NUAK1: variants seen among roughly 807,000 people sequenced by gnomAD.
NUAK1 encodes the protein NUAK family kinase 1, also known as NUAK family SNF1-like kinase 1.
NUAK1 carries 26 observed loss-of-function variants against 56.9 expected under a neutral mutation model. The observed-to-expected ratio is 0.46, with a 90% CI of 0.33 to 0.63. NUAK1 has a LOEUF of 0.63. NUAK1 is among the 30% of genes least tolerant of loss of function. NUAK1 has a pLI of 0.02. For missense variants in NUAK1, 727 were observed against 876.1 expected, an observed-to-expected ratio of 0.83 and a Z score of 2.15; for synonymous variants, 337 against 336.0, an observed-to-expected ratio of 1.00 and a Z score of -0.03.
At chr12:106,073,711 G>A (rs925705817) in intron 4 of NUAK1, among the ~76,000 whole-genome samples, 2 of 151,934 alleles carry the variant, frequency 1.3e-5, no homozygotes, top group Admixed American at 6.6e-5. Flanking sequence ...TCAGCTACTC[G>A]GGAGGCTGAG....
chr12:106,074,970 G>A (rs1006663944), intron 4 of NUAK1, among the ~76,000 whole-genome samples: 3 of 152,112 alleles, frequency 2.0e-5, no homozygotes, highest in Non-Finnish European at 2.9e-5. Context: ...GAATGGCTAC[G>A]CACAGGAAAA....
intron 3 of NUAK1, among the ~76,000 whole-genome samples, chr12:106,084,543 A>G (rs1053906621): frequency 6.6e-6 from 1 of 152,208 alleles, no homozygotes; most frequent in African/African-American, 2.4e-5. Context: ...GAGCAGACCA[A>G]TGAGACTGGG....
chr12:106,074,719 C>T (rs2032442756), intron 4 of NUAK1, among the ~76,000 whole-genome samples: 1 of 152,112 alleles, frequency 6.6e-6, no homozygotes, highest in Admixed American at 6.6e-5. Flanking sequence ...GCCTGAATAC[C>T]ACCGAGGCTC....
At chr12:106,080,353 T>C (rs1243048567) in intron 4 of NUAK1, among the ~76,000 whole-genome samples, 1 of 152,234 alleles carries the variant, frequency 6.6e-6, no homozygotes, top group Non-Finnish European at 1.5e-5. Context: ...CTTCTCATTG[T>C]AAGACATTTT....
At chr12:106,134,047 T>C (rs2033105791) in intron 1 of NUAK1, among the ~76,000 whole-genome samples, 1 of 152,184 alleles carries the variant, frequency 6.6e-6, no homozygotes, top group Admixed American at 6.5e-5. Flanking sequence ...CTAGTAAAGA[T>C]TTATTAAATG....
intron 6 of NUAK1, among the ~76,000 whole-genome samples, chr12:106,068,431 T>C (rs2032368434): frequency 6.6e-6 from 1 of 152,212 alleles, no homozygotes; most frequent in Non-Finnish European, 1.5e-5. Context: ...TGGGAAAGCA[T>C]GCCAGAGACA....
At chr12:106,096,126 G>T (rs187244607) in intron 2 of NUAK1, among the ~76,000 whole-genome samples, 2 of 151,952 alleles carry the variant, frequency 1.3e-5, no homozygotes, top group Non-Finnish European at 2.9e-5. Context: ...AGTTCATTCC[G>T]AAAGACCCCA....
intron 2 of NUAK1, among the ~76,000 whole-genome samples, chr12:106,103,738 C>G (rs559155391): frequency 6.6e-6 from 1 of 152,266 alleles, no homozygotes; most frequent in African/African-American, 2.4e-5. Context: ...GGAAGGGACC[C>G]GGTGGGAGGT....
Position 106,138,284 on chromosome 12 carries a change from CG to C in NUAK1, c.240+129del. On this transcript the variant is annotated intron_variant, in intron 1 of 6. Transcript: ENST00000261402. This position sits in a 1 kb window ranked among gnomAD's most constrained non-coding sequence, Gnocchi z 5.0. ...TGGAGAAAGAGTGAGGAGTCTGTCT[CG>C]GGGCTTCCCAATGAGCCCCCTCTCT... 7.9e-7 allele frequency: 1 copy of C among 1,271,452 alleles called. No homozygotes were observed. The highest frequency in any genetic ancestry group is 1.1e-6 in the Non-Finnish European group (1 of 949,648). 78.8% of individuals were successfully genotyped at this position (1,271,452 alleles called of 1,614,324 possible). A position where few individuals can be genotyped will look rare whatever the true frequency, so the allele number is the denominator to read the frequency against.
intron 1 of NUAK1, among the ~76,000 whole-genome samples, chr12:106,135,205 A>G (rs1222797574): frequency 6.6e-6 from 1 of 152,214 alleles, no homozygotes. Flanking sequence ...GGGATAGATC[A>G]AGGATTTGAA....
At chr12:106,093,974 A>ATT (rs112037631) in intron 2 of NUAK1, among the ~76,000 whole-genome samples, 5 of 148,644 alleles carry the variant, frequency 3.4e-5, no homozygotes, top group South Asian at 2.1e-4. Context: ...AATCTTTGTA[A>ATT]TTTTTTTTTT....
At chr12:106,112,914 C>T (rs2032878436) in intron 1 of NUAK1, among the ~76,000 whole-genome samples, 1 of 152,178 alleles carries the variant, frequency 6.6e-6, no homozygotes, top group Admixed American at 6.5e-5. Context: ...ACTTGGTTCT[C>T]AAACCTCTAT....
chr12:106,121,537 GCCAAGCATTCAAGA>G (rs2032974851), intron 1 of NUAK1, among the ~76,000 whole-genome samples: 1 of 152,146 alleles, frequency 6.6e-6, no homozygotes, highest in Non-Finnish European at 1.5e-5. Flanking sequence ...ATCACTTGAG[GCCAAGCATTCAAGA>G]CCACCCTGGC....
chr12:106,103,851 G>A (rs889508654), intron 2 of NUAK1, among the ~76,000 whole-genome samples: 2 of 152,034 alleles, frequency 1.3e-5, no homozygotes, highest in Admixed American at 1.3e-4. Flanking sequence ...CCTTTTACTC[G>A]GCACTTATCC....
Position 106,106,405 on chromosome 12 carries a change from C to T in NUAK1, c.361G>A (p.Val121Met), listed in dbSNP as rs1157810013. 6.3e-7 allele frequency: 1 copy of T among 1,595,100 alleles called. No individual in the cohort carries two copies. The highest frequency in any genetic ancestry group is 8.5e-7 in the Non-Finnish European group (1 of 1,171,752). Reference sequence around the variant, plus strand: ...GTTAAAAAAAAAAAAAATCACTGACCTTCATAAATACTGATGATATGAGGA... The same window carrying T: ...GTTAAAAAAAAAAAAAATCACTGACTTTCATAAATACTGATGATATGAGGA... ...NHPHIISIYE[V>M]FENKDKIVII... The change falls in exon 2 of 7, where the codon GTG becomes ATG. Residue 121 changes from valine (V) to methionine (M), a missense_variant and splice_region_variant. By Grantham distance (21) the Val-to-Met change is conservative (BLOSUM62 1). Coordinates refer to ENST00000261402, the MANE Select transcript of NUAK1 (RefSeq NM_014840.3).
chr12:106,100,446 C>T (rs1340796080), intron 2 of NUAK1, among the ~76,000 whole-genome samples: 11 of 152,094 alleles, frequency 7.2e-5, no homozygotes, highest in Middle Eastern at 6.3e-3. Context: ...GTTTAGTCTC[C>T]GCTTCATTCA....
At chr12:106,078,517 C>T (rs916611089) in intron 4 of NUAK1, among the ~76,000 whole-genome samples, 2 of 152,260 alleles carry the variant, frequency 1.3e-5, no homozygotes, top group Middle Eastern at 3.4e-3. Flanking sequence ...TGTAACTCTT[C>T]GGGAAGACAG....
chr12:106,131,729 C>G (rs2033080997), intron 1 of NUAK1, among the ~76,000 whole-genome samples: 3 of 152,198 alleles, frequency 2.0e-5, no homozygotes, highest in Admixed American at 6.5e-5. Context: ...GTTTGCATTT[C>G]TCCTGGGTAA....
chr12:106,134,482 G>A (rs1565929855), intron 1 of NUAK1, among the ~76,000 whole-genome samples: 2 of 152,172 alleles, frequency 1.3e-5, no homozygotes, highest in African/African-American at 4.8e-5. Context: ...TGGGGGAGGG[G>A]CACACATTGC....
Sources: allele counts gnomAD v4.1 joint callset (sites outside exome capture counted in the v4.1 genomes callset), GRCh38; gene constraint gnomAD v4.1.1; non-coding constraint Gnocchi (gnomAD v3.1); transcripts MANE v1.5; gene names NCBI Gene and HGNC (gene_info 2026-07-23, HGNC 2026-07-21).